Variants in SOX6 observed in about 807,000 individuals in gnomAD.
The protein encoded by SOX6 is transcription factor SOX-6.
SOX6 carries 11 observed loss-of-function variants against 97.8 expected under a neutral mutation model. The ratio of observed to expected loss-of-function variants is 0.11; its 90% CI spans 0.07 to 0.19. The LOEUF (loss-of-function observed/expected upper bound fraction) is 0.19. SOX6 is among the 10% of genes least tolerant of loss of function. The pLI, the probability that SOX6 is intolerant of heterozygous loss-of-function variation, is 1.00. For synonymous variants in SOX6, 360 were observed against 371.4 expected, an observed-to-expected ratio of 0.97 and a Z score of 0.35; for missense variants, 810 against 1,039.5, an observed-to-expected ratio of 0.78 and a Z score of 3.04.
At chr11:16,282,058 A>G (rs1363034991) in intron 3 of SOX6, among the ~76,000 whole-genome samples, 5 of 149,788 alleles carry the variant, frequency 3.3e-5, no homozygotes, top group Non-Finnish European at 5.9e-5. Flanking sequence ...GAAATTCAGG[A>G]CATACAATGC....
At chr11:16,527,736 C>A (rs929562511) in intron 4 of SOX6, among the ~76,000 whole-genome samples, 1 of 152,110 alleles carries the variant, frequency 6.6e-6, no homozygotes, top group Non-Finnish European at 1.5e-5. Flanking sequence ...CAGATAGGAG[C>A]TGCTCCTTCA....
chr11:16,407,115 A>C (rs1858702469), intron 1 of SOX6, among the ~76,000 whole-genome samples: 2 of 152,242 alleles, frequency 1.3e-5, no homozygotes, highest in South Asian at 4.1e-4. Flanking sequence ...GAAGCAGCTA[A>C]GTTTGAGGAG....
chr11:16,679,806 G>A (rs1847912733), intron 3 of SOX6, among the ~76,000 whole-genome samples: 1 of 152,150 alleles, frequency 6.6e-6, no homozygotes, highest in Non-Finnish European at 1.5e-5. Context: ...AGAACTTCGT[G>A]ACACATGCAC....
chr11:16,723,002 C>T (rs1848278434), intron 2 of SOX6, among the ~76,000 whole-genome samples: 1 of 152,152 alleles, frequency 6.6e-6, no homozygotes, highest in South Asian at 2.1e-4. Context: ...ATATAAATCA[C>T]TCTACCATAA....
At chr11:16,114,090 T>C (rs1849288280) in intron 6 of SOX6, among the ~76,000 whole-genome samples, 1 of 152,162 alleles carries the variant, frequency 6.6e-6, no homozygotes, top group Non-Finnish European at 1.5e-5. Context: ...GTTAGAGATG[T>C]TTAAAGCAAA....
intron 10 of SOX6, among the ~76,000 whole-genome samples, chr11:16,055,138 T>C (rs1389344653): frequency 6.6e-6 from 1 of 152,198 alleles, no homozygotes; most frequent in Non-Finnish European, 1.5e-5. Flanking sequence ...ACAGTATGGA[T>C]CAGGTATCAT....
intron 1 of SOX6, among the ~76,000 whole-genome samples, chr11:16,390,807 AG>A (rs1858151961): frequency 6.6e-6 from 1 of 152,228 alleles, no homozygotes; most frequent in African/African-American, 2.4e-5. Flanking sequence ...ATCTAGAACC[AG>A]AAATACCATT....
chr11:16,538,180 TA>T (rs1353716108), intron 4 of SOX6, among the ~76,000 whole-genome samples: 4 of 151,770 alleles, frequency 2.6e-5, no homozygotes, highest in Admixed American at 2.6e-4. Flanking sequence ...TCAACACTCT[TA>T]AAAAAAAGAA....
intron 9 of SOX6, among the ~76,000 whole-genome samples, chr11:16,079,265 A>G (rs1180952556): frequency 6.6e-6 from 1 of 152,204 alleles, no homozygotes; most frequent in Non-Finnish European, 1.5e-5. Context: ...AAGCATGGGT[A>G]ACTGTGTAAT....
chr11:16,055,971 T>A, intron 9 of SOX6, 70 bp from the exon 10 acceptor site: 2 of 1,542,988 alleles, frequency 1.3e-6, no homozygotes, highest in Non-Finnish European at 1.8e-6. Context: ...AAGAAAAAAC[T>A]TACCATATTG....
intron 1 of SOX6, among the ~76,000 whole-genome samples, chr11:16,438,201 A>T (rs547942980): frequency 1.3e-5 from 2 of 152,298 alleles, no homozygotes; most frequent in Admixed American, 1.3e-4. Context: ...TTTTAAATAA[A>T]ATTTAACATA....
chr11:16,115,349 A>C lies in SOX6; in HGVS notation c.778-3426T>G, dbSNP rs536084061. ...GAAAACTCTGGAATTCAGTCCAACT[A>C]ATTAAATTTTAGGCTAAAATTTAAT... On this transcript the variant is annotated intron_variant, in intron 6 of 15. Transcript: ENST00000683767. 5.3e-5 allele frequency among the ~76,000 whole-genome samples: 8 copies of C among 152,260 alleles called. No homozygotes were observed. The East Asian group carries it at 1.2e-3, about 22-fold the overall frequency.
rs116002750 is a variant in SOX6, at chr11:16,115,466, C to T, written c.778-3543G>A. Among the ~76,000 whole-genome samples the T allele has an allele frequency of 2.3e-3, 356 of 152,266 alleles. 2 individuals are homozygous for T. The highest frequency in any genetic ancestry group is 8.3e-3 in the African/African-American group (343 of 41,566). On this transcript the variant is annotated intron_variant, in intron 6 of 15. Transcript: ENST00000683767. ...TGCTTCCTTCTCTCCCCCTGCTCCC[C>T]GTCAAGAGTCTTTGAATCAGTAGAT...
At chr11:16,068,546 T>C (rs747541874) in intron 9 of SOX6, among the ~76,000 whole-genome samples, 1 of 152,134 alleles carries the variant, frequency 6.6e-6, no homozygotes, top group Non-Finnish European at 1.5e-5. Context: ...TTTTTCAGCA[T>C]AGAAGGTACT....
At chr11:16,411,594 A>G (rs1481575839) in intron 1 of SOX6, among the ~76,000 whole-genome samples, 1 of 152,210 alleles carries the variant, frequency 6.6e-6, no homozygotes. Context: ...GCCTGTGCTT[A>G]AGAGAGATGA....
intron 4 of SOX6, among the ~76,000 whole-genome samples, chr11:16,502,421 G>C (rs11529134): frequency 0.59 from 89,239 of 151,494 alleles, 26,769 homozygotes; most frequent in East Asian, 0.95. Flanking sequence ...TGTAACAAAC[G>C]TGCACGTTGT....
At chr11:16,092,298 A>G (rs1213003780) in intron 9 of SOX6, among the ~76,000 whole-genome samples, 1 of 152,006 alleles carries the variant, frequency 6.6e-6, no homozygotes, top group Non-Finnish European at 1.5e-5. Flanking sequence ...AATAGTAAGA[A>G]AAGAATAACC....
intron 6 of SOX6, among the ~76,000 whole-genome samples, chr11:16,133,777 C>T (rs971285813): frequency 6.6e-6 from 1 of 152,176 alleles, no homozygotes; most frequent in Middle Eastern, 3.2e-3. Context: ...CAACCTCTGC[C>T]TCCCAGGTTC....
At chr11:16,649,767 C>T (rs1028475462) in intron 3 of SOX6, among the ~76,000 whole-genome samples, 3 of 151,708 alleles carry the variant, frequency 2.0e-5, no homozygotes, top group African/African-American at 7.3e-5. Context: ...TAGAACAGTA[C>T]ATAACATCTC....
Sources: allele counts gnomAD v4.1 joint callset (sites outside exome capture counted in the v4.1 genomes callset), GRCh38; gene constraint gnomAD v4.1.1; transcripts MANE v1.5; gene names NCBI Gene and HGNC (gene_info 2026-07-23, HGNC 2026-07-21).